The following TMEM87A variants were observed in gnomAD, a reference collection of about 807,000 sequenced individuals.
The protein encoded by TMEM87A is Golgi-pH regulating cation channel.
In TMEM87A, 50 loss-of-function variants were observed where a neutral mutation model predicts 90.0. The ratio of observed to expected loss-of-function variants is 0.56; its 90% CI spans 0.44 to 0.70. TMEM87A has a LOEUF of 0.70. TMEM87A is among the 30% of genes least tolerant of loss of function. The pLI is 0.00. For synonymous variants in TMEM87A, 226 were observed against 226.7 expected (o/e 1.00, Z 0.03); for missense variants, 577 against 660.5 (o/e 0.87, Z 1.39).
chr15:42,261,794 T>C (rs2051298214), intron 4 of TMEM87A, among the ~76,000 whole-genome samples: 1 of 151,950 alleles, frequency 6.6e-6, no homozygotes, highest in Non-Finnish European at 1.5e-5. Context: ...CCACCATGCC[T>C]GGCTAATTTT....
intron 6 of TMEM87A, among the ~76,000 whole-genome samples, chr15:42,251,223 C>T (rs1206513968): frequency 6.6e-6 from 1 of 152,154 alleles, no homozygotes; most frequent in Non-Finnish European, 1.5e-5. Flanking sequence ...TATTACCAAC[C>T]TTCTGAAGCC....
chr15:42,263,473 G>A (rs763575103), intron 4 of TMEM87A, among the ~76,000 whole-genome samples: 12 of 152,152 alleles, frequency 7.9e-5, no homozygotes, highest in African/African-American at 2.2e-4. Flanking sequence ...GGCTCAGCCC[G>A]GTGGCTCACA....
At chr15:42,273,454 G>T (rs529365545), upstream of TMEM87A, 4 of 1,605,156 alleles carry the variant, frequency 2.5e-6, no homozygotes, top group African/African-American at 4.0e-5. Context: ...GGTTCGTCCC[G>T]CCTTCTTCCG....
At chr15:42,257,592 G>C (rs1408384098) in intron 6 of TMEM87A, among the ~76,000 whole-genome samples, 1 of 152,150 alleles carries the variant, frequency 6.6e-6, no homozygotes, top group Non-Finnish European at 1.5e-5. Flanking sequence ...GCCATAAATT[G>C]CTATGAAAAA....
intron 6 of TMEM87A, among the ~76,000 whole-genome samples, chr15:42,255,988 C>T (rs1014234444): frequency 6.7e-6 from 1 of 148,768 alleles, no homozygotes; most frequent in East Asian, 2.0e-4. Context: ...CCATGTTTGC[C>T]AGGCTGATCT....
chr15:42,222,412 TATG>T (rs2050507296), intron 15 of TMEM87A, among the ~76,000 whole-genome samples: 1 of 152,060 alleles, frequency 6.6e-6, no homozygotes, highest in African/African-American at 2.4e-5. Flanking sequence ...CACTTATAAA[TATG>T]ATTAGGGGTT....
chr15:42,259,002 A>G (rs1393501223), intron 6 of TMEM87A: 1 of 810,708 alleles, frequency 1.2e-6, no homozygotes, highest in Non-Finnish European at 2.1e-6. Context: ...TAGGAAAGAA[A>G]AGCAAGCTTG....
chr15:42,261,180 T>C lies in TMEM87A; in HGVS notation c.459+16A>G. On this transcript the variant is annotated intron_variant, in intron 5 of 19. Transcript: ENST00000389834. ...TTTTTACTGCACTCTCAGAAATATA[T>C]AATGAAAACAATTACCTCCTGTTTT... The C allele has an allele frequency of 6.2e-7, 1 of 1,611,622 alleles. No individual in the cohort carries two copies. The highest frequency in any genetic ancestry group is 1.7e-5 in the Admixed American group (1 of 59,680).
At chr15:42,255,706 C>G (rs1292389756) in intron 6 of TMEM87A, among the ~76,000 whole-genome samples, 4 of 151,900 alleles carry the variant, frequency 2.6e-5, no homozygotes, top group Non-Finnish European at 5.9e-5. Context: ...AAAGTGTTCT[C>G]TTTTATCAAT....
intron 2 of TMEM87A, chr15:42,271,681 G>A (rs1002504684): frequency 6.4e-6 from 1 of 155,664 alleles, no homozygotes; most frequent in East Asian, 1.9e-4. Context: ...TATACTCTAT[G>A]ATGTTTGCAT....
At position 42,237,524 on chromosome 15, in the gene TMEM87A, T is replaced by C. The variant is rs1265557096; in HGVS notation, c.776A>G (p.Gln259Arg). The stretch of plus-strand genomic sequence containing the variant: ...GAAGATGACAGCACCAATCCAAAAC[T>C]GAATTCTCAGGAGATCTCTCCAGTA... ...ACYWRDLLRI[Q>R]FWIGAVIFLG... The change falls in exon 9 of 20, where the codon CAG becomes CGG. Residue 259 changes from glutamine (Q) to arginine (R), a missense_variant. Gln to Arg is a conservative substitution (Grantham distance 43). Coordinates refer to ENST00000389834, the MANE Select transcript of TMEM87A (RefSeq NM_015497.5). 6.2e-7 allele frequency: 1 copy of C among 1,614,046 alleles called. No individual in the cohort carries two copies. Among genetic ancestry groups the C allele is most frequent in the South Asian group, 1.1e-5 (1 of 91,072 alleles).
chr15:42,241,900 G>C (rs4924638), intron 7 of TMEM87A, among the ~76,000 whole-genome samples: 144,392 of 151,824 alleles, frequency 0.95, 68,912 homozygotes, highest in Non-Finnish European at 1. Context: ...AAAACACAAT[G>C]TACTAAAAAT....
At chr15:42,213,290 T>A (rs1226054781) in intron 19 of TMEM87A, among the ~76,000 whole-genome samples, 1 of 152,152 alleles carries the variant, frequency 6.6e-6, no homozygotes, top group Admixed American at 6.5e-5. Flanking sequence ...AGGGCCCAGG[T>A]TGGAAGTTGC....
At chr15:42,259,035 C>T in intron 6 of TMEM87A, 1 of 727,732 alleles carries the variant, frequency 1.4e-6, no homozygotes, top group African/African-American at 1.8e-5. Flanking sequence ...TCACCCTATT[C>T]CCATTCCTCT....
chr15:42,259,377 G>C (rs1257885011), intron 6 of TMEM87A, among the ~76,000 whole-genome samples: 2 of 152,100 alleles, frequency 1.3e-5, no homozygotes, highest in East Asian at 3.9e-4. Context: ...GCCCACCTAG[G>C]CCTCCCAAAG....
intron 2 of TMEM87A, among the ~76,000 whole-genome samples, chr15:42,270,808 A>G (rs1465962719): frequency 6.6e-6 from 1 of 152,170 alleles, no homozygotes; most frequent in Non-Finnish European, 1.5e-5. Context: ...TGGTCAGGAG[A>G]CTGATTACAT....
intron 12 of TMEM87A, among the ~76,000 whole-genome samples, chr15:42,230,899 C>G (rs1365076167): frequency 2.0e-5 from 3 of 151,992 alleles, no homozygotes; most frequent in African/African-American, 7.2e-5. Flanking sequence ...GGTACACAAA[C>G]AAGAAGTGCA....
At chr15:42,265,341 T>C (rs2051382226) in intron 3 of TMEM87A, among the ~76,000 whole-genome samples, 1 of 152,208 alleles carries the variant, frequency 6.6e-6, no homozygotes, top group Non-Finnish European at 1.5e-5. Flanking sequence ...GTATAAGCAT[T>C]CCCTTTTCTC....
At chr15:42,267,810 C>A in intron 3 of TMEM87A, 137 bp downstream of exon 3, 1 of 561,594 alleles carries the variant, frequency 1.8e-6, no homozygotes, top group Non-Finnish European at 2.9e-6. Context: ...TGGTGGTCTG[C>A]AAATTGGGAA....
Sources: allele counts gnomAD v4.1 joint callset (sites outside exome capture counted in the v4.1 genomes callset), GRCh38; gene constraint gnomAD v4.1.1; transcripts MANE v1.5; gene names NCBI Gene and HGNC (gene_info 2026-07-23, HGNC 2026-07-21).